MGAT4C: variants seen among roughly 807,000 people sequenced by gnomAD.
MGAT4C encodes the protein MGAT4 family member C.
In MGAT4C, 19 loss-of-function variants were observed where a neutral mutation model predicts 40.1. The observed-to-expected ratio is 0.47, with a 90% CI of 0.33 to 0.70. The LOEUF (loss-of-function observed/expected upper bound fraction) is 0.70. Ranked by LOEUF, MGAT4C falls within the 30% of genes least tolerant of loss-of-function variation. The pLI is 0.02. For synonymous variants in MGAT4C, 181 were observed against 187.1 expected, an observed-to-expected ratio of 0.97 and a Z score of 0.27; for missense variants, 491 against 563.2, an observed-to-expected ratio of 0.87 and a Z score of 1.30.
chr12:86,584,690 A>C (rs148212099), intron 2 of MGAT4C, among the ~76,000 whole-genome samples: 1 of 151,512 alleles, frequency 6.6e-6, no homozygotes, highest in Admixed American at 6.6e-5. Context: ...TTTAATGTTT[A>C]AAGATGCTGC....
At chr12:86,328,980 G>A (rs573129533) in intron 4 of MGAT4C, among the ~76,000 whole-genome samples, 7 of 152,002 alleles carry the variant, frequency 4.6e-5, no homozygotes, top group African/African-American at 1.4e-4. Context: ...GTGGGTGCCT[G>A]TAATCCCAGC....
chr12:86,260,891 T>C (rs1055905811), upstream of MGAT4C, among the ~76,000 whole-genome samples: 2 of 151,988 alleles, frequency 1.3e-5, no homozygotes, highest in African/African-American at 2.4e-5. Context: ...TATATTTTTA[T>C]ATAATAAAAA....
chr12:86,114,231 T>G (rs980677243), intron 1 of MGAT4C, among the ~76,000 whole-genome samples: 4 of 151,852 alleles, frequency 2.6e-5, no homozygotes, highest in Admixed American at 2.0e-4. Context: ...GCTTCTTCTT[T>G]TGGTATTCCT....
chr12:86,544,301 A>AT (rs1280325972), intron 2 of MGAT4C, among the ~76,000 whole-genome samples: 1 of 152,140 alleles, frequency 6.6e-6, no homozygotes, highest in Middle Eastern at 3.2e-3. Flanking sequence ...TTTGATTATT[A>AT]TTTTTTGGAA....
chr12:86,519,050 C>T (rs1405309191), intron 2 of MGAT4C, among the ~76,000 whole-genome samples: 1 of 151,940 alleles, frequency 6.6e-6, no homozygotes, highest in Non-Finnish European at 1.5e-5. Context: ...GAATGGAAGG[C>T]GGAGATTGTC....
intron 4 of MGAT4C, among the ~76,000 whole-genome samples, chr12:86,277,299 G>C (rs898883547): frequency 6.6e-6 from 1 of 152,020 alleles, no homozygotes; most frequent in Non-Finnish European, 1.5e-5. Flanking sequence ...TTAATCCATT[G>C]TCAGATGAAT....
intron 2 of MGAT4C, among the ~76,000 whole-genome samples, chr12:86,026,291 T>G (rs1890233580): frequency 6.6e-6 from 1 of 151,786 alleles, no homozygotes; most frequent in Non-Finnish European, 1.5e-5. Context: ...TGCTATAGTT[T>G]GGTTTTTTAG....
chr12:86,081,487 A>T (rs1330483636), intron 1 of MGAT4C, among the ~76,000 whole-genome samples: 1 of 152,172 alleles, frequency 6.6e-6, no homozygotes, highest in African/African-American at 2.4e-5. Flanking sequence ...TGTTCACAGA[A>T]ATTTACAAAT....
intron 1 of MGAT4C, among the ~76,000 whole-genome samples, chr12:86,151,923 G>A (rs1202851666): frequency 6.6e-6 from 1 of 152,224 alleles, no homozygotes; most frequent in African/African-American, 2.4e-5. Flanking sequence ...TAAGGCTGTG[G>A]GCCAGATGTC....
intron 3 of MGAT4C, among the ~76,000 whole-genome samples, chr12:86,376,508 C>G (rs1955824743): frequency 6.6e-6 from 1 of 151,800 alleles, no homozygotes; most frequent in Non-Finnish European, 1.5e-5. Flanking sequence ...TTTCCTGTGC[C>G]TAGAACAATA....
At chr12:86,728,583 C>T (rs574399708) in intron 1 of MGAT4C, among the ~76,000 whole-genome samples, 22 of 152,146 alleles carry the variant, frequency 1.4e-4, no homozygotes, top group South Asian at 4.1e-4. Context: ...CCCAGCTGCT[C>T]GGGAAACCGA....
At chr12:86,766,725 C>T (rs571110916) in intron 1 of MGAT4C, among the ~76,000 whole-genome samples, 1,749 of 151,950 alleles carry the variant, frequency 0.012, 31 homozygotes, top group African/African-American at 0.038. Context: ...CACTCAAAAC[C>T]GCTCAACTAC....
chr12:86,466,427 A>G (rs1957684061), intron 2 of MGAT4C, among the ~76,000 whole-genome samples: 1 of 152,226 alleles, frequency 6.6e-6, no homozygotes, highest in African/African-American at 2.4e-5. Flanking sequence ...ATTAAGTGAG[A>G]GTGAATCTGA....
chr12:86,162,861 A>G (rs1264227400), intron 1 of MGAT4C, among the ~76,000 whole-genome samples: 1 of 152,150 alleles, frequency 6.6e-6, no homozygotes. Flanking sequence ...CCTATCACCA[A>G]TACTTTGTGG....
chr12:86,115,683 G>A (rs903661645), intron 1 of MGAT4C, among the ~76,000 whole-genome samples: 1 of 152,008 alleles, frequency 6.6e-6, no homozygotes, highest in Non-Finnish European at 1.5e-5. Context: ...ATATAAATGA[G>A]ATGTCAAGAG....
intron 2 of MGAT4C, among the ~76,000 whole-genome samples, chr12:86,721,267 A>G (rs989355184): frequency 1.3e-5 from 2 of 152,170 alleles, no homozygotes; most frequent in African/African-American, 4.8e-5. Flanking sequence ...CTTGTCAAAA[A>G]GAATGACCTT....
intron 1 of MGAT4C, among the ~76,000 whole-genome samples, chr12:86,241,138 C>T (rs1456712383): frequency 6.6e-6 from 1 of 152,054 alleles, no homozygotes; most frequent in Non-Finnish European, 1.5e-5. Context: ...ATCCATCTGT[C>T]CCTCACTGAT....
chr12:86,270,227 C>T (rs940671145), intron 4 of MGAT4C, among the ~76,000 whole-genome samples: 4 of 152,006 alleles, frequency 2.6e-5, no homozygotes, highest in Non-Finnish European at 5.9e-5. Context: ...CCGCCATGCC[C>T]AGCTAATTTT....
chr12:86,814,053 G>A (rs1490809717), intron 1 of MGAT4C, among the ~76,000 whole-genome samples: 1 of 151,782 alleles, frequency 6.6e-6, no homozygotes, highest in Non-Finnish European at 1.5e-5. Flanking sequence ...TGGGACTACA[G>A]GTGCACACTG....
Sources: gnomAD v4.1 joint callset for allele counts (sites outside exome capture counted in the v4.1 genomes callset) on GRCh38, gnomAD v4.1.1 for gene constraint, MANE v1.5 for transcripts, NCBI Gene and HGNC (gene_info 2026-07-23, HGNC 2026-07-21) for gene names.